The following CNTNAP5 variants were observed in gnomAD, a reference collection of about 807,000 sequenced individuals.
CNTNAP5 encodes the protein contactin-associated protein-like 5.
In CNTNAP5, 72 loss-of-function variants were observed where a neutral mutation model predicts 150.2. The ratio of observed to expected loss-of-function variants is 0.48; its 90% CI spans 0.40 to 0.58. CNTNAP5 has a LOEUF of 0.58. Among genes scored for constraint, CNTNAP5 ranks in the 20% least tolerant of loss-of-function variants. The probability of loss-of-function intolerance (pLI) is 0.00; values close to 1 mark genes in which losing one functional copy is unlikely to be tolerated. For missense variants in CNTNAP5, 1,636 were observed against 1,626.2 expected (o/e 1.01, Z -0.10); for synonymous variants, 672 against 619.8 (o/e 1.08, Z -1.25).
At chr2:124,029,259 C>T (rs547395284) in intron 1 of CNTNAP5, among the ~76,000 whole-genome samples, 41 of 152,008 alleles carry the variant, frequency 2.7e-4, no homozygotes, top group East Asian at 9.7e-4. Flanking sequence ...TTGAGTTATC[C>T]GAAGCTTATG....
At chr2:124,492,020 C>T (rs1483494055) in intron 7 of CNTNAP5, among the ~76,000 whole-genome samples, 2 of 151,874 alleles carry the variant, frequency 1.3e-5, no homozygotes, top group African/African-American at 2.4e-5. Flanking sequence ...TTGTATAGTA[C>T]CCTCTTATCA....
intron 3 of CNTNAP5, among the ~76,000 whole-genome samples, chr2:124,372,588 C>A (rs1484048747): frequency 6.6e-6 from 1 of 152,092 alleles, no homozygotes; most frequent in Non-Finnish European, 1.5e-5. Flanking sequence ...CGAAGTGAAT[C>A]AACCTTAGGA....
chr2:124,512,595 G>T (rs1364151614), intron 8 of CNTNAP5, among the ~76,000 whole-genome samples: 1 of 152,140 alleles, frequency 6.6e-6, no homozygotes, highest in Non-Finnish European at 1.5e-5. Flanking sequence ...TGCCATCTCA[G>T]CGCATCCCAT....
intron 3 of CNTNAP5, among the ~76,000 whole-genome samples, chr2:124,294,715 A>G (rs1050927586): frequency 8.5e-5 from 13 of 152,376 alleles, no homozygotes; most frequent in Middle Eastern, 3.4e-3. Flanking sequence ...TTTTTAGACT[A>G]AAGTAACATT....
chr2:124,629,936 C>CAAAAAAAAAAAAA (rs70996084), intron 12 of CNTNAP5, among the ~76,000 whole-genome samples: 31 of 67,710 alleles, frequency 4.6e-4, no homozygotes, highest in African/African-American at 4.4e-4. Flanking sequence ...CACCTCTATG[C>CAAAAAAAAAAAAA]AAAAAAAAAA....
intron 12 of CNTNAP5, among the ~76,000 whole-genome samples, chr2:124,628,670 A>T (rs571544235): frequency 6.6e-6 from 1 of 152,308 alleles, no homozygotes; most frequent in East Asian, 1.9e-4. Flanking sequence ...AGTCTGCAAA[A>T]TTAACCAGTT....
intron 12 of CNTNAP5, among the ~76,000 whole-genome samples, chr2:124,613,392 C>A (rs74449438): frequency 0.033 from 5,036 of 152,298 alleles, 79 homozygotes; most frequent in Middle Eastern, 0.051. Context: ...TCTTTCTGCA[C>A]CTTGTGCCTG....
chr2:124,761,468 A>G (rs1213089732), intron 14 of CNTNAP5, among the ~76,000 whole-genome samples: 1 of 152,090 alleles, frequency 6.6e-6, no homozygotes, highest in Non-Finnish European at 1.5e-5. Flanking sequence ...ATATTCAAAA[A>G]CTGAAAATTT....
At chr2:124,036,305 A>T (rs182078303) in intron 1 of CNTNAP5, among the ~76,000 whole-genome samples, 36 of 152,234 alleles carry the variant, frequency 2.4e-4, no homozygotes, top group African/African-American at 7.5e-4. Context: ...TTAATTCACA[A>T]GGGAAAAGGA....
intron 1 of CNTNAP5, among the ~76,000 whole-genome samples, chr2:124,136,173 A>G (rs6753984): frequency 0.02 from 3,094 of 152,312 alleles, 50 homozygotes; most frequent in Non-Finnish European, 0.034. Flanking sequence ...TCAAGGATAT[A>G]GTCTATGTCT....
chr2:124,523,299 G>C (rs1023116968), intron 8 of CNTNAP5, among the ~76,000 whole-genome samples: 1 of 152,182 alleles, frequency 6.6e-6, no homozygotes, highest in East Asian at 1.9e-4. Flanking sequence ...TGAGAGGAAA[G>C]ACAACTCAAC....
intron 1 of CNTNAP5, among the ~76,000 whole-genome samples, chr2:124,086,188 CTTTTTTTTTTTTTTTT>C (rs57849633): frequency 1.2e-5 from 1 of 81,990 alleles, no homozygotes; most frequent in African/African-American, 5.1e-5. Context: ...GGTGTACACA[CTTTTTTTTTTTTTTTT>C]TTTTTTTTTT....
chr2:124,853,749 G>C (rs956596070), intron 19 of CNTNAP5, among the ~76,000 whole-genome samples: 1 of 151,978 alleles, frequency 6.6e-6, no homozygotes, highest in African/African-American at 2.4e-5. Flanking sequence ...AGATTATTTT[G>C]TCACCCAGGT....
intron 13 of CNTNAP5, among the ~76,000 whole-genome samples, chr2:124,650,396 A>C (rs780827119): frequency 6.6e-6 from 1 of 152,202 alleles, no homozygotes. Flanking sequence ...TCCCCCATGC[A>C]TGTGAGCTCA....
chr2:124,664,458 G>T (rs1186446964), intron 13 of CNTNAP5, among the ~76,000 whole-genome samples: 1 of 152,088 alleles, frequency 6.6e-6, no homozygotes, highest in African/African-American at 2.4e-5. Flanking sequence ...AAGTAGGCCA[G>T]ATATGTTTCA....
At chr2:124,450,736 G>A (rs1692948137) in intron 6 of CNTNAP5, among the ~76,000 whole-genome samples, 1 of 151,658 alleles carries the variant, frequency 6.6e-6, no homozygotes, top group Admixed American at 6.6e-5. Context: ...GATATTTTTA[G>A]GATCTTTAGA....
At chr2:124,188,368 C>T (rs1199720549) in intron 1 of CNTNAP5, among the ~76,000 whole-genome samples, 3 of 152,054 alleles carry the variant, frequency 2.0e-5, no homozygotes, top group African/African-American at 7.2e-5. Flanking sequence ...CAAAACCAAA[C>T]GTGATTCTTA....
intron 1 of CNTNAP5, among the ~76,000 whole-genome samples, chr2:124,120,526 A>G (rs1683536023): frequency 6.6e-6 from 1 of 152,248 alleles, no homozygotes; most frequent in South Asian, 2.1e-4. Context: ...AACAAGAGTT[A>G]TAACAGGTTT....
chr2:124,045,833 C>T (rs1168649783), intron 1 of CNTNAP5, among the ~76,000 whole-genome samples: 1 of 152,150 alleles, frequency 6.6e-6, no homozygotes, highest in East Asian at 1.9e-4. Context: ...CCTTGGCAGG[C>T]CTCTCACAGA....
Sources: allele counts gnomAD v4.1 joint callset (sites outside exome capture counted in the v4.1 genomes callset), GRCh38; gene constraint gnomAD v4.1.1; transcripts MANE v1.5; gene names NCBI Gene and HGNC (gene_info 2026-07-23, HGNC 2026-07-21).